Variants in PASK observed in about 807,000 individuals in gnomAD.
PASK encodes the protein PAS domain containing serine/threonine kinase.
A neutral mutation model predicts 121.0 loss-of-function variants in PASK; 110 were observed. That is an observed-to-expected ratio of 0.91 (90% CI 0.78 to 1.06). The LOEUF is 1.06. Among genes scored for constraint, PASK ranks in the 50% least tolerant of loss-of-function variants. PASK has a pLI of 0.00. For synonymous variants in PASK, 686 were observed against 717.8 expected (o/e 0.96, Z 0.71); for missense variants, 1,643 against 1,702.3 (o/e 0.97, Z 0.61).
intron 15 of PASK, chr2:241,109,082 C>A (rs1194133860): frequency 8.8e-6 from 1 of 114,214 alleles, no homozygotes. Flanking sequence ...ACATCCTCAT[C>A]CACGCTACCA....
intron 12 of PASK, chr2:241,118,910 C>G: frequency 1.4e-5 from 14 of 1,034,670 alleles, no homozygotes; most frequent in Non-Finnish European, 1.6e-5. Flanking sequence ...CTGCCGAGAT[C>G]TTCTCATACA....
chr2:241,137,314 A>G (rs1392303712), intron 6 of PASK, 50 bp from the exon 7 acceptor site: 13 of 1,548,352 alleles, frequency 8.4e-6, no homozygotes, highest in South Asian at 1.1e-5. Flanking sequence ...ACGTGGACAG[A>G]GCACTGAGTC....
Position 241,132,527 on chromosome 2 carries a change from T to TAAAAAAAA in PASK, c.1463+339_1463+346dup, listed in dbSNP as rs71049553. On this transcript the variant is annotated intron_variant, in intron 9 of 17. Coordinates refer to ENST00000234040, the MANE Select transcript of PASK (RefSeq NM_015148.4). ...CTGGGTGACACAGCGAGACTCTGTC[T>TAAAAAAAA]AAAAAAAAAAAAAAAAAAAAAAAAA... Among the ~76,000 whole-genome samples the TAAAAAAAA allele has an allele frequency of 2.3e-3, 92 of 39,508 alleles. 4 individuals carry two copies. The highest frequency in any genetic ancestry group is 2.8e-3 in the African/African-American group (28 of 9,958). 25.9% of individuals were successfully genotyped at this position (39,508 alleles called of 152,430 possible).
chr2:241,128,275 C>T (rs768895444), intron 9 of PASK, among the ~76,000 whole-genome samples: 14 of 152,100 alleles, frequency 9.2e-5, no homozygotes, highest in Non-Finnish European at 8.8e-5. Flanking sequence ...AGTGAGACTC[C>T]GTCTCAAACA....
At chr2:241,136,421 T>C (rs758918779) in intron 7 of PASK, among the ~76,000 whole-genome samples, 3 of 152,146 alleles carry the variant, frequency 2.0e-5, no homozygotes, top group Non-Finnish European at 4.4e-5. Context: ...AGAAGGACTG[T>C]GGGGCCTTCC....
At chr2:241,141,347 A>C (rs906069611) in intron 2 of PASK, among the ~76,000 whole-genome samples, 2 of 152,186 alleles carry the variant, frequency 1.3e-5, no homozygotes, top group African/African-American at 4.8e-5. Flanking sequence ...GTCCTCTGTC[A>C]GTCATTCCAA....
chr2:241,140,474 C>T, intron 3 of PASK, 47 bp downstream of exon 3: 1 of 1,341,938 alleles, frequency 7.5e-7, no homozygotes, highest in African/African-American at 1.4e-5. Flanking sequence ...AAGGCACAAA[C>T]CACAAATCCA....
intron 9 of PASK, among the ~76,000 whole-genome samples, chr2:241,132,541 AAAAAAAAAAAAAAG>A (rs2066209036): frequency 6.6e-6 from 1 of 150,718 alleles, no homozygotes; most frequent in Non-Finnish European, 1.5e-5. Context: ...AAAAAAAAAA[AAAAAAAAAAAAAAG>A]AAAATGATAA....
intron 9 of PASK, among the ~76,000 whole-genome samples, chr2:241,131,210 G>A (rs1421580955): frequency 2.0e-5 from 3 of 150,676 alleles, no homozygotes; most frequent in Admixed American, 1.3e-4. Context: ...GTGCAGTGGC[G>A]CGATCTAGGC....
At chr2:241,122,978 C>A (rs977593450) in intron 11 of PASK, 79 bp from the exon 12 acceptor site, 4 of 1,425,782 alleles carry the variant, frequency 2.8e-6, no homozygotes, top group Non-Finnish European at 2.9e-6. Flanking sequence ...GGTCCCCCTG[C>A]GTCTTCAGCA....
At chr2:241,132,550 A>AAAAAAG in intron 9 of PASK, among the ~76,000 whole-genome samples, 1 of 151,084 alleles carries the variant, frequency 6.6e-6, no homozygotes, top group South Asian at 2.1e-4. Context: ...AAAAAAAAAA[A>AAAAAAG]AAAAGAAAAT....
chr2:241,118,829 T>C, intron 12 of PASK: 2 of 640,356 alleles, frequency 3.1e-6, no homozygotes, highest in Non-Finnish European at 4.2e-6. Context: ...AGCTGTGTGG[T>C]GTACACACCC....
In PASK at chr2:241,115,187, G is replaced by A; in HGVS notation, c.3199-10C>T. ...CAAATATATCCAATACCTAGGAAGA[G>A]ACAAAGCCAAGTCCAACTCTACCAA... is the stretch of plus-strand genomic sequence containing the variant. On this transcript the variant is annotated splice_polypyrimidine_tract_variant and intron_variant, in intron 13 of 17. Coordinates refer to ENST00000234040, the MANE Select transcript of PASK (RefSeq NM_015148.4). The A allele has an allele frequency of 6.2e-7, 1 of 1,614,054 alleles. No homozygotes were observed. Among genetic ancestry groups the A allele is most frequent in the East Asian group, 2.2e-5 (1 of 44,888 alleles).
intron 12 of PASK, among the ~76,000 whole-genome samples, chr2:241,116,656 T>C (rs934821268): frequency 1.3e-5 from 2 of 152,224 alleles, no homozygotes; most frequent in Non-Finnish European, 2.9e-5. Context: ...AGAAAAACAG[T>C]GCTACCACAG....
At chr2:241,143,889 C>A (rs957560520) in intron 1 of PASK, among the ~76,000 whole-genome samples, 2 of 152,200 alleles carry the variant, frequency 1.3e-5, no homozygotes, top group African/African-American at 4.8e-5. Flanking sequence ...AGGCCTGGCA[C>A]CAGAGATTTG....
chr2:241,122,884 G>C lies in PASK; in HGVS notation c.2920C>G (p.Pro974Ala). ...PSLVEVLRARPWFEEPPKAVE... is the reference protein window; with the variant it reads ...PSLVEVLRARAWFEEPPKAVE... The stretch of plus-strand genomic sequence containing the variant: ...GCCTTGGGGGGCTCCTCAAACCAGG[G>C]TCTGGCTCTGAGCACCTGCAATGCA... Residue 974 changes from proline (P) to alanine (A), a missense_variant, in exon 12 of 18, where the codon CCC (proline) becomes GCC (alanine). Physicochemically the swap from Pro to Ala is conservative, Grantham distance 27. Around this residue, in one of 3 missense-constraint regions of PASK, gnomAD observed 453 missense variants for 511.2 expected, o/e 0.89. Transcript: ENST00000234040. 6.2e-7 allele frequency: 1 copy of C among 1,614,038 alleles called. No individual in the cohort carries two copies. Among genetic ancestry groups the C allele is most frequent in the South Asian group, 1.1e-5 (1 of 91,082 alleles).
chr2:241,114,506 C>T, intron 14 of PASK: 1 of 1,000,678 alleles, frequency 1.0e-6, no homozygotes, highest in Non-Finnish European at 1.2e-6. Context: ...GCTAGGGTGC[C>T]TTCCTATTTG....
At position 241,106,562 on chromosome 2, in the gene PASK, G is replaced by A; in HGVS notation, c.*4C>T. ...AGTGGAGAAAAGCAGGAAGAAATTG[G>A]TGTTTAGCTGGTCAGCAGACGGGGA... On this transcript the variant is annotated 3_prime_UTR_variant, in exon 18 of 18. Coordinates refer to ENST00000234040, the MANE Select transcript of PASK (RefSeq NM_015148.4). 6.2e-7 allele frequency: 1 copy of A among 1,614,074 alleles called. No individual in the cohort carries two copies. The highest frequency in any genetic ancestry group is 1.3e-5 in the African/African-American group (1 of 75,034).
At chr2:241,118,247 C>G (rs2065458052) in intron 12 of PASK, among the ~76,000 whole-genome samples, 1 of 151,230 alleles carries the variant, frequency 6.6e-6, no homozygotes, top group South Asian at 2.1e-4. Context: ...AGTTGAAGGA[C>G]TAGCATTTTC....
Sources: allele counts gnomAD v4.1 joint callset (sites outside exome capture counted in the v4.1 genomes callset), GRCh38; gene constraint gnomAD v4.1.1; regional missense constraint gnomAD v4.1.1; transcripts MANE v1.5; gene names NCBI Gene and HGNC (gene_info 2026-07-23, HGNC 2026-07-21).